The following QRSL1 variants were observed in gnomAD, a reference collection of about 807,000 sequenced individuals.
QRSL1 encodes glutaminyl-tRNA amidotransferase subunit QRSL1.
QRSL1 carries 54 observed loss-of-function variants against 61.6 expected under a neutral mutation model. The ratio of observed to expected loss-of-function variants is 0.88; its 90% CI spans 0.70 to 1.10. The LOEUF (loss-of-function observed/expected upper bound fraction) is 1.10. Ranked by LOEUF, QRSL1 falls within the 50% of genes least tolerant of loss-of-function variation. The pLI, the probability that QRSL1 is intolerant of heterozygous loss-of-function variation, is 0.00. For synonymous variants in QRSL1, 228 were observed against 225.7 expected (o/e 1.01, Z -0.09); for missense variants, 505 against 622.6 (o/e 0.81, Z 2.01).
At chr6:106,639,134 T>TTTG (rs1562165040) in intron 1 of QRSL1, among the ~76,000 whole-genome samples, 2 of 135,812 alleles carry the variant, frequency 1.5e-5, no homozygotes, top group African/African-American at 2.9e-5. Context: ...TTTTTTTTTT[T>TTTG]TTTTTTTTTT....
In QRSL1 at chr6:106,636,557, A is replaced by G. The variant is rs370698779; in HGVS notation, c.25-3792A>G. ...GATGGTCCTGATCTCTTGACCTTGTAATCTGCCCGCCTTGGCCTCCCAAAG... is the reference window on the plus strand; with the variant it reads ...GATGGTCCTGATCTCTTGACCTTGTGATCTGCCCGCCTTGGCCTCCCAAAG... On this transcript the variant is annotated intron_variant, in intron 1 of 10. Transcript: ENST00000369046. Among the ~76,000 whole-genome samples the G allele has an allele frequency of 9.8e-4, 149 of 152,130 alleles. 1 individual carries two copies. Among genetic ancestry groups the G allele is most frequent in the Non-Finnish European group, 1.2e-3 (80 of 67,990 alleles).
In QRSL1 at chr6:106,655,636, T is replaced by C. The variant is rs1394335767; in HGVS notation, c.1064T>C (p.Val355Ala). Residue 355 changes from valine to alanine, a missense_variant, in exon 9 of 11, where the codon GTG (valine) becomes GCG (alanine). By Grantham distance (64) the Val-to-Ala change is moderately conservative. Coordinates refer to ENST00000369046, the MANE Select transcript of QRSL1 (RefSeq NM_018292.5). Reference protein sequence around the residue: ...LQYGHRCDIDVSTEAMYAATR... With the variant: ...LQYGHRCDIDASTEAMYAATR... Reference sequence around the variant, plus strand: ...TCAGGTCACAGATGTGACATTGATGTGTCCACTGAAGCCATGTATGCTGCA... The same window carrying C: ...TCAGGTCACAGATGTGACATTGATGCGTCCACTGAAGCCATGTATGCTGCA... 7.4e-6 allele frequency: 12 copies of C among 1,611,788 alleles called. No individual in the cohort carries two copies. The African/African-American group carries it at 1.5e-4, about 20-fold the overall frequency.
chr6:106,630,514 G>C (rs564973131), intron 1 of QRSL1, among the ~76,000 whole-genome samples: 22 of 152,176 alleles, frequency 1.4e-4, no homozygotes, highest in African/African-American at 4.1e-4. Context: ...TATTTCTGCT[G>C]TTATAGCTTT....
chr6:106,646,894 G>A (rs1777113217), intron 4 of QRSL1, among the ~76,000 whole-genome samples: 1 of 151,776 alleles, frequency 6.6e-6, no homozygotes, highest in Non-Finnish European at 1.5e-5. Context: ...CGGGCGTGGT[G>A]GCGAGCGCCT....
chr6:106,654,820 G>T lies in QRSL1; in HGVS notation c.940G>T (p.Glu314Ter), dbSNP rs1777242524. The T allele has an allele frequency of 6.2e-7, 1 of 1,613,764 alleles. No individual in the cohort carries two copies. Among genetic ancestry groups the T allele is most frequent in the African/African-American group, 1.3e-5 (1 of 75,038 alleles). The change falls in exon 8 of 11, where the codon GAA becomes TAA. Residue 314 changes from glutamate to a stop codon, truncating the protein, a stop_gained. Coordinates refer to ENST00000369046, the MANE Select transcript of QRSL1 (RefSeq NM_018292.5). LOFTEE classifies it high-confidence loss of function. The part of the protein sequence containing the change: ...LFESEGAKVI[E>*]VSLPHTSYSI... ...TGAGTCTGAGGGGGCCAAAGTAATT[G>T]AAGTATCCCTTCCTCACACCAGTTA... is the stretch of plus-strand genomic sequence containing the variant.
chr6:106,642,750 G>A (rs961354072), intron 3 of QRSL1: 10 of 736,130 alleles, frequency 1.4e-5, no homozygotes, highest in Non-Finnish European at 2.2e-5. Flanking sequence ...TGTAAGAGCC[G>A]AGATAGCTTC....
At chr6:106,642,757 C>T in intron 3 of QRSL1, 4 of 736,678 alleles carry the variant, frequency 5.4e-6, no homozygotes, top group Non-Finnish European at 1.0e-5. Context: ...GCCGAGATAG[C>T]TTCCTGAAAC....
chr6:106,640,514 T>C lies in QRSL1; in HGVS notation c.184+6T>C, dbSNP rs377594069. On this transcript the variant is annotated splice_donor_region_variant and intron_variant, in intron 2 of 10. Transcript: ENST00000369046. ...AGAAAAGAGATATAAGAATGGTAAA[T>C]TGCTTTTAACTATACTTAATTGTTA... is the stretch of plus-strand genomic sequence containing the variant. 1.0e-5 allele frequency: 16 copies of C among 1,552,614 alleles called. No individual in the cohort carries two copies. The African/African-American group carries it at 1.9e-4, about 19-fold the overall frequency.
intron 10 of QRSL1, among the ~76,000 whole-genome samples, chr6:106,663,950 C>T (rs1009223581): frequency 6.6e-6 from 1 of 152,274 alleles, no homozygotes; most frequent in East Asian, 1.9e-4. Context: ...TACACACCCA[C>T]ACTCACCACA....
At chr6:106,649,556 A>T (rs1777163894) in intron 5 of QRSL1, among the ~76,000 whole-genome samples, 1 of 152,174 alleles carries the variant, frequency 6.6e-6, no homozygotes, top group South Asian at 2.1e-4. Context: ...TTAGGGACTA[A>T]CATACAATGG....
At chr6:106,637,602 C>T (rs1194124042) in intron 1 of QRSL1, among the ~76,000 whole-genome samples, 1 of 152,074 alleles carries the variant, frequency 6.6e-6, no homozygotes, top group Non-Finnish European at 1.5e-5. Context: ...TCATCTTTCC[C>T]CTCTCCCACT....
In QRSL1 at chr6:106,629,628, A is replaced by T; in HGVS notation, c.-54A>T. 6 of 1,573,726 alleles carry T rather than the reference A, an allele frequency of 3.8e-6. No individual in the cohort carries two copies. Among genetic ancestry groups the T allele is most frequent in the Non-Finnish European group, 5.2e-6 (6 of 1,160,546 alleles). ...CATGTAACATCACTAGCGACCGGTG[A>T]CCTCTTTTTCCCCCTTGCCTGGCTC... On this transcript the variant is annotated 5_prime_UTR_variant, in exon 1 of 11. Transcript: ENST00000369046.
At chr6:106,629,777 C>G in intron 1 of QRSL1, 72 bp downstream of exon 1, 3 of 1,547,492 alleles carry the variant, frequency 1.9e-6, no homozygotes, top group Non-Finnish European at 2.6e-6. Context: ...CAAAGAGTCC[C>G]TGGGCCTTAC....
chr6:106,656,723 C>T (rs1028476107), intron 9 of QRSL1, among the ~76,000 whole-genome samples: 2 of 152,174 alleles, frequency 1.3e-5, no homozygotes, highest in African/African-American at 2.4e-5. Context: ...GTGAAGTGAT[C>T]GCAGCTCACC....
At chr6:106,631,493 T>C (rs1205374134) in intron 1 of QRSL1, among the ~76,000 whole-genome samples, 1 of 152,208 alleles carries the variant, frequency 6.6e-6, no homozygotes, top group Non-Finnish European at 1.5e-5. Flanking sequence ...TTACTTAAAT[T>C]ATTTTGAATC....
chr6:106,629,755 G>C, intron 1 of QRSL1, 50 bp downstream of exon 1: 1 of 1,577,892 alleles, frequency 6.3e-7, no homozygotes, highest in Non-Finnish European at 8.6e-7. Flanking sequence ...AAAGTTTAAC[G>C]GACTTCGTTG....
chr6:106,647,987 C>A (rs1022727441), intron 4 of QRSL1, among the ~76,000 whole-genome samples: 3 of 149,366 alleles, frequency 2.0e-5, no homozygotes, highest in Non-Finnish European at 4.5e-5. Flanking sequence ...AATTGAATTA[C>A]ATACAGTAGA....
chr6:106,646,280 T>C (rs895366226), intron 4 of QRSL1, among the ~76,000 whole-genome samples: 1 of 152,340 alleles, frequency 6.6e-6, no homozygotes, highest in African/African-American at 2.4e-5. Flanking sequence ...GAGGGTGAAG[T>C]GGACGTTATG....
At chr6:106,665,473 A>T (rs2114720809) in intron 10 of QRSL1, among the ~76,000 whole-genome samples, 1 of 152,354 alleles carries the variant, frequency 6.6e-6, no homozygotes, top group East Asian at 1.9e-4. Flanking sequence ...AAATAGCTAA[A>T]TATTGAAAAC....
Sources: allele counts gnomAD v4.1 joint callset (sites outside exome capture counted in the v4.1 genomes callset), GRCh38; gene constraint gnomAD v4.1.1; transcripts MANE v1.5; gene names NCBI Gene and HGNC (gene_info 2026-07-23, HGNC 2026-07-21).